Variants in FAM220A observed in about 807,000 individuals in gnomAD.
FAM220A encodes the protein family with sequence similarity 220 member A.
For synonymous variants in FAM220A, 141 were observed against 130.7 expected (o/e 1.08, Z -0.54); for missense variants, 392 against 321.6 (o/e 1.22, Z -1.68).
At chr7:6,338,569 C>T (rs1015086951) in intron 1 of FAM220A, 1 of 152,274 alleles carries the variant, frequency 6.6e-6, no homozygotes, top group Non-Finnish European at 1.5e-5. Flanking sequence ...AACACAAAGC[C>T]AGGGAGGTCA....
chr7:6,339,832 C>T (rs1310335579), intron 1 of FAM220A, among the ~76,000 whole-genome samples: 2 of 151,908 alleles, frequency 1.3e-5, no homozygotes, highest in Non-Finnish European at 2.9e-5. Context: ...CTCACAGGTG[C>T]GATCACAAGG....
Position 6,330,485 on chromosome 7 carries a change from T to C in FAM220A, c.670A>G (p.Thr224Ala), listed in dbSNP as rs753380785. 4.3e-6 allele frequency: 7 copies of C among 1,614,184 alleles called. No homozygotes were observed. The East Asian group carries it at 1.1e-4, about 26-fold the overall frequency. ...DRLKPMFSKQTIEFKKMLKST... is the reference protein window; with the variant it reads ...DRLKPMFSKQAIEFKKMLKST... The stretch of plus-strand genomic sequence containing the variant: ...TTAAGCATTTTCTTGAATTCTATTG[T>C]TTGCTTTGAAAACATGGGCTTTAAA... Residue 224 changes from threonine to alanine, a missense_variant, in exon 2 of 2, where the codon ACA (threonine) becomes GCA (alanine). By Grantham distance (58) the Thr-to-Ala change is moderately conservative. Transcript: ENST00000313324.
chr7:6,342,907 C>T (rs887949062), intron 1 of FAM220A, among the ~76,000 whole-genome samples: 2 of 151,834 alleles, frequency 1.3e-5, no homozygotes, highest in African/African-American at 4.8e-5. Flanking sequence ...CATGGTGGCA[C>T]ATGCCTGTAG....
In FAM220A at chr7:6,348,812, C is replaced by A. The variant is rs1420613072; in HGVS notation, c.-321G>T. On this transcript the variant is annotated 5_prime_UTR_variant, in exon 1 of 2. Transcript: ENST00000313324. ...CGCCCGCCCTCTCCGCGCCGCGTCG[C>A]CCCGGCAGCTGACCCTCGCCTGGCG... 1 of 395,752 alleles carries A rather than the reference C, an allele frequency of 2.5e-6. No individual in the cohort carries two copies. Among genetic ancestry groups the A allele is most frequent in the African/African-American group, 2.1e-5 (1 of 48,544 alleles). The allele number at this position is 395,752 out of a possible 1,614,324, so 24.5% of individuals were successfully genotyped here.
chr7:6,335,426 G>A (rs927718220), intron 1 of FAM220A, among the ~76,000 whole-genome samples: 13 of 150,870 alleles, frequency 8.6e-5, no homozygotes, highest in Admixed American at 2.0e-4. Context: ...ATGGTGTTTC[G>A]CTATGTTGCC....
chr7:6,333,018 G>A (rs61073971), intron 1 of FAM220A, among the ~76,000 whole-genome samples: 1,804 of 152,066 alleles, frequency 0.012, 34 homozygotes, highest in African/African-American at 0.042. Flanking sequence ...ACAGCCAGAC[G>A]TGCTGGCGGG....
At chr7:6,333,264 G>A (rs980898419) in intron 1 of FAM220A, among the ~76,000 whole-genome samples, 1 of 152,060 alleles carries the variant, frequency 6.6e-6, no homozygotes, top group Non-Finnish European at 1.5e-5. Context: ...AGAGTTTAGA[G>A]AAAGAGACCT....
chr7:6,330,895 C>T lies in FAM220A; in HGVS notation c.260G>A (p.Arg87Lys), dbSNP rs1221929237. The T allele has an allele frequency of 2.5e-6, 4 of 1,614,226 alleles. No homozygotes were observed. The highest frequency in any genetic ancestry group is 2.7e-5 in the African/African-American group (2 of 75,074). Reference protein sequence around the residue: ...HSGGPVLPYVRESVRRNPASA... With the variant: ...HSGGPVLPYVKESVRRNPASA... ...GGCTGGATTTCTTCTTACTGATTCT[C>T]TCACATATGGAAGCACTGGGCCGCC... is the stretch of plus-strand genomic sequence containing the variant. The change falls in exon 2 of 2, where the codon AGA becomes AAA. Residue 87 changes from arginine (R) to lysine (K), a missense_variant. Arg to Lys is a conservative substitution (Grantham distance 26). Transcript: ENST00000313324.
At position 6,333,583 on chromosome 7, in the gene FAM220A, G is replaced by T. The variant is rs374891925; in HGVS notation, c.-81-2348C>A. Among the ~76,000 whole-genome samples the T allele has an allele frequency of 3.0e-3, 460 of 151,676 alleles. 3 individuals carry two copies. The Middle Eastern group carries it at 0.031, about 10-fold the overall frequency. On this transcript the variant is annotated intron_variant, in intron 1 of 1. Transcript: ENST00000313324. The stretch of plus-strand genomic sequence containing the variant: ...GCGTGATCACAGCTCACTGCAGCCT[G>T]TAACTTCTGGGCTCAAGCAATCCTC...
At chr7:6,338,301 G>C (rs1192980771) in intron 1 of FAM220A, among the ~76,000 whole-genome samples, 3 of 152,068 alleles carry the variant, frequency 2.0e-5, no homozygotes, top group African/African-American at 4.8e-5. Context: ...TATTGTACCA[G>C]ATAAAATATG....
At position 6,330,968 on chromosome 7, in the gene FAM220A, G is replaced by C; in HGVS notation, c.187C>G (p.Leu63Val). The change falls in exon 2 of 2, where the codon CTG (leucine) becomes GTG (valine). Residue 63 changes from leucine to valine, a missense_variant. By Grantham distance (32) the Leu-to-Val change is conservative. Transcript: ENST00000313324. ...CCGCTCGGATCCTTTCTCATTTCCA[G>C]TGATAATGCCTCACTTTGTGAATTT... ...DGNSQSEALS[L>V]EMRKDPSGAG... 6.2e-7 allele frequency: 1 copy of C among 1,614,256 alleles called. No homozygotes were observed. The highest frequency in any genetic ancestry group is 1.1e-5 in the South Asian group (1 of 91,092).
Position 6,331,150 on chromosome 7 carries a change from C to T in FAM220A, c.5G>A (p.Arg2Lys), listed in dbSNP as rs1781625517. 2 of 1,610,094 alleles carry T rather than the reference C, an allele frequency of 1.2e-6. No homozygotes were observed. The highest frequency in any genetic ancestry group is 3.4e-5 in the Admixed American group (2 of 59,644). The change falls in exon 2 of 2, where the codon AGG (arginine) becomes AAG (lysine). Residue 2 changes from arginine (R) to lysine (K), a missense_variant. Arg to Lys is a conservative substitution (Grantham distance 26). Coordinates refer to ENST00000313324, the MANE Select transcript of FAM220A (RefSeq NM_001037163.2). MRDRRGPLGTCL... is the reference protein window; with the variant it reads MKDRRGPLGTCL... The stretch of plus-strand genomic sequence containing the variant: ...GGTGCCGAGGGGCCCTCTTCTGTCC[C>T]TCATGCTTCGTGTTCTTGGATGCGG...
intron 1 of FAM220A, among the ~76,000 whole-genome samples, chr7:6,333,313 G>A (rs541976746): frequency 3.9e-4 from 59 of 152,202 alleles, no homozygotes; most frequent in Non-Finnish European, 7.4e-4. Context: ...GGAGCCAGCC[G>A]AGAAGCTTCA....
intron 1 of FAM220A, among the ~76,000 whole-genome samples, chr7:6,347,280 C>T (rs1781971768): frequency 6.6e-6 from 1 of 152,078 alleles, no homozygotes; most frequent in South Asian, 2.1e-4. Flanking sequence ...TTTGGGAGGT[C>T]GAGGCGGGCA....
rs142897377 is a variant in FAM220A, at chr7:6,330,669, C to T, written c.486G>A (p.Pro162=). ...VSRLPRHQKV[P]EMGSFQDDPP... is the part of the protein sequence containing the mutation. ...GGTCATCCTGAAAACTTCCCATTTC[C>T]GGCACTTTTTGATGGCGTGGCAGTC... Residue 162 remains proline (P), a synonymous_variant, in exon 2 of 2, where the codon CCG becomes CCA. Coordinates refer to ENST00000313324, the MANE Select transcript of FAM220A (RefSeq NM_001037163.2). The T allele has an allele frequency of 1.1e-5, 18 of 1,614,062 alleles. No homozygotes were observed. Among genetic ancestry groups the T allele is most frequent in the Middle Eastern group, 1.6e-4 (1 of 6,062 alleles).
At chr7:6,334,971 T>C (rs1781715909) in intron 1 of FAM220A, among the ~76,000 whole-genome samples, 1 of 151,526 alleles carries the variant, frequency 6.6e-6, no homozygotes, top group Non-Finnish European at 1.5e-5. Flanking sequence ...TTCTTCATGT[T>C]GGTCAGGCTG....
intron 1 of FAM220A, among the ~76,000 whole-genome samples, chr7:6,337,911 C>A (rs921397566): frequency 6.6e-6 from 1 of 151,602 alleles, no homozygotes; most frequent in Non-Finnish European, 1.5e-5. Flanking sequence ...TCAAGCAATT[C>A]TCCTGCCTCA....
chr7:6,341,446 AAATAAT>A (rs1182692468), intron 1 of FAM220A, among the ~76,000 whole-genome samples: 91 of 140,792 alleles, frequency 6.5e-4, no homozygotes, highest in African/African-American at 9.3e-4. Flanking sequence ...TGTCTCAAAA[AAATAAT>A]AATAATAATT....
intron 1 of FAM220A, among the ~76,000 whole-genome samples, chr7:6,343,224 A>G (rs902521595): frequency 3.3e-5 from 5 of 150,892 alleles, no homozygotes; most frequent in African/African-American, 1.2e-4. Context: ...TAAAAATACA[A>G]TAATTAGCTG....
Sources: gnomAD v4.1 joint callset for allele counts (sites outside exome capture counted in the v4.1 genomes callset) on GRCh38, gnomAD v4.1.1 for gene constraint, MANE v1.5 for transcripts, NCBI Gene and HGNC (gene_info 2026-07-23, HGNC 2026-07-21) for gene names.